OR56A3: variants seen among roughly 807,000 people sequenced by gnomAD.
The protein encoded by OR56A3 is olfactory receptor family 56 subfamily A member 3.
A neutral mutation model predicts 17.5 loss-of-function variants in OR56A3; 23 were observed. The ratio of observed to expected loss-of-function variants is 1.32; its 90% CI spans 0.95 to 1.87. The LOEUF (loss-of-function observed/expected upper bound fraction) is 1.87. Among genes scored for constraint, OR56A3 ranks in the 40% most tolerant of loss-of-function variants. The probability of loss-of-function intolerance (pLI) is 0.00; values close to 1 mark genes in which losing one functional copy is unlikely to be tolerated. For synonymous variants in OR56A3, 175 were observed against 150.6 expected, an observed-to-expected ratio of 1.16 and a Z score of -1.19; for missense variants, 366 against 380.1, an observed-to-expected ratio of 0.96 and a Z score of 0.31.
At chr11:5,993,253 G>A in the OR56A3 span, among the ~76,000 whole-genome samples, 1 of 152,296 alleles carries the variant, frequency 6.6e-6, no homozygotes, top group South Asian at 2.1e-4. Context: ...TCAAAAGGCC[G>A]TGGAGCACCA....
chr11:5,953,432 G>T (rs765763294), downstream of OR56A3, among the ~76,000 whole-genome samples: 16 of 152,062 alleles, frequency 1.1e-4, no homozygotes, highest in Non-Finnish European at 7.4e-5. Flanking sequence ...ATACTTTGCT[G>T]GACATTTGTA....
At chr11:5,946,821 G>A (rs1416781449) in intron 2 of OR56A3, among the ~76,000 whole-genome samples, 1 of 152,222 alleles carries the variant, frequency 6.6e-6, no homozygotes, top group Non-Finnish European at 1.5e-5. Flanking sequence ...AAGTGCAGCA[G>A]AAAGGTTAGA....
the OR56A3 span, chr11:6,006,354 G>A: frequency 3.5e-4 from 54 of 152,252 alleles, no homozygotes; most frequent in African/African-American, 7.5e-4. Flanking sequence ...ACCATCTGGG[G>A]CATTGTTTTC....
the OR56A3 span, among the ~76,000 whole-genome samples, chr11:5,984,797 C>G: frequency 3.5e-4 from 53 of 152,198 alleles, no homozygotes; most frequent in Non-Finnish European, 5.3e-4. Context: ...CAACTATTAA[C>G]TCTACCCCTC....
At chr11:6,020,993 G>A in the OR56A3 span, 4 of 152,012 alleles carry the variant, frequency 2.6e-5, no homozygotes, top group African/African-American at 7.2e-5. Context: ...TCCAGCCTGA[G>A]AAAAAGTTAG....
chr11:5,946,952 T>A (rs757761327), intron 2 of OR56A3, among the ~76,000 whole-genome samples: 1 of 152,212 alleles, frequency 6.6e-6, no homozygotes, highest in Non-Finnish European at 1.5e-5. Context: ...GTAGGCTATG[T>A]GTACATTAAA....
At chr11:5,981,459 G>A in the OR56A3 span, among the ~76,000 whole-genome samples, 2 of 152,106 alleles carry the variant, frequency 1.3e-5, no homozygotes, top group Non-Finnish European at 2.9e-5. Flanking sequence ...TCTGCTGTTA[G>A]TATTTCTAAT....
chr11:5,980,137 G>A, the OR56A3 span, among the ~76,000 whole-genome samples: 1 of 152,134 alleles, frequency 6.6e-6, no homozygotes, highest in South Asian at 2.1e-4. Flanking sequence ...TGTACCCTGT[G>A]CAGAGTAGCA....
At chr11:6,004,040 A>G in the OR56A3 span, among the ~76,000 whole-genome samples, 1 of 152,232 alleles carries the variant, frequency 6.6e-6, no homozygotes, top group Non-Finnish European at 1.5e-5. Flanking sequence ...GGTAACAGCA[A>G]TGACTGTCAC....
chr11:6,018,187 T>G, the OR56A3 span, among the ~76,000 whole-genome samples: 1 of 152,062 alleles, frequency 6.6e-6, no homozygotes, highest in Non-Finnish European at 1.5e-5. Flanking sequence ...GCAGATTATC[T>G]AGACAGAAAG....
chr11:5,988,978 A>C, the OR56A3 span, among the ~76,000 whole-genome samples: 2 of 152,246 alleles, frequency 1.3e-5, no homozygotes, highest in Non-Finnish European at 2.9e-5. Flanking sequence ...TAATGCATCC[A>C]TAGATTACTC....
the OR56A3 span, among the ~76,000 whole-genome samples, chr11:5,960,431 C>T: frequency 2.0e-5 from 3 of 152,200 alleles, no homozygotes; most frequent in African/African-American, 7.2e-5. Context: ...GACTGGTTGT[C>T]GTATTTTTTG....
chr11:5,982,645 A>T, the OR56A3 span, among the ~76,000 whole-genome samples: 4 of 152,174 alleles, frequency 2.6e-5, no homozygotes, highest in Admixed American at 6.5e-5. Flanking sequence ...CTAGAGGAGC[A>T]TGGCAAGCCT....
At chr11:5,994,450 G>A in the OR56A3 span, 1 of 738,456 alleles carries the variant, frequency 1.4e-6, no homozygotes, top group South Asian at 1.3e-5. Flanking sequence ...GAGATTTGGG[G>A]GCATCTGTCT....
At chr11:5,960,788 G>C in the OR56A3 span, among the ~76,000 whole-genome samples, 2 of 150,926 alleles carry the variant, frequency 1.3e-5, no homozygotes. Context: ...GCGTCTTCCC[G>C]GCCGTCATCC....
chr11:5,985,938 A>G, the OR56A3 span: 1 of 1,598,936 alleles, frequency 6.3e-7, no homozygotes, highest in Non-Finnish European at 8.5e-7. Context: ...GAATATGTTC[A>G]GATCAATCCT....
At chr11:5,974,272 A>C in the OR56A3 span, among the ~76,000 whole-genome samples, 12 of 151,650 alleles carry the variant, frequency 7.9e-5, no homozygotes, top group Non-Finnish European at 1.8e-4. Context: ...ACGCCTGGCT[A>C]ATTTTTGTAT....
the OR56A3 span, among the ~76,000 whole-genome samples, chr11:5,992,425 AC>A: frequency 1.3e-5 from 2 of 152,232 alleles, no homozygotes; most frequent in Admixed American, 6.5e-5. Flanking sequence ...ATCTGAGAAA[AC>A]TAGATCATAG....
chr11:5,943,516 A>AAC (rs1554887335), intron 1 of OR56A3: 5 of 114,528 alleles, frequency 4.4e-5, no homozygotes, highest in Non-Finnish European at 9.8e-5. Flanking sequence ...TTTTCTTTAA[A>AAC]AAAAAAAAAA....
Sources: gnomAD v4.1 joint callset for allele counts (sites outside exome capture counted in the v4.1 genomes callset) on GRCh38, gnomAD v4.1.1 for gene constraint, MANE v1.5 for transcripts, NCBI Gene and HGNC (gene_info 2026-07-23, HGNC 2026-07-21) for gene names.